DMXL2: variants seen among roughly 807,000 people sequenced by gnomAD.
The protein encoded by DMXL2 is dmX-like protein 2.
In DMXL2, 103 loss-of-function variants were observed where a neutral mutation model predicts 331.1. The observed-to-expected ratio is 0.31, with a 90% CI of 0.27 to 0.37. DMXL2 has a LOEUF of 0.37. Among genes scored for constraint, DMXL2 ranks in the 10% least tolerant of loss-of-function variants. The probability of loss-of-function intolerance (pLI) is 1.00; values close to 1 mark genes in which losing one functional copy is unlikely to be tolerated. For synonymous variants in DMXL2, 1,281 were observed against 1,252.1 expected (o/e 1.02, Z -0.49); for missense variants, 3,171 against 3,642.9 (o/e 0.87, Z 3.33).
At chr15:51,586,809 ACCATTAT>A (rs1267259585) in intron 1 of DMXL2, among the ~76,000 whole-genome samples, 6 of 152,154 alleles carry the variant, frequency 3.9e-5, no homozygotes, top group African/African-American at 1.4e-4. Context: ...GCTCTAATTA[ACCATTAT>A]AAAACCAACT....
chr15:51,451,522 T>G (rs889880904), intron 42 of DMXL2, 123 bp downstream of exon 42: 47 of 734,826 alleles, frequency 6.4e-5, no homozygotes, highest in Non-Finnish European at 1.0e-4. Flanking sequence ...TTCTAAATAT[T>G]TCTCCATTTT....
chr15:51,469,725 C>T (rs1424361397), intron 29 of DMXL2, among the ~76,000 whole-genome samples: 2 of 152,250 alleles, frequency 1.3e-5, no homozygotes, highest in East Asian at 3.9e-4. Flanking sequence ...ATGCAATGAG[C>T]TTTCATTCGT....
At chr15:51,475,544 G>T (rs1199864089) in intron 27 of DMXL2, among the ~76,000 whole-genome samples, 2 of 151,830 alleles carry the variant, frequency 1.3e-5, no homozygotes, top group African/African-American at 4.8e-5. Flanking sequence ...AAAAAAATCA[G>T]AAATGCCCAA....
At chr15:51,549,590 T>C (rs1412508045) in intron 6 of DMXL2, among the ~76,000 whole-genome samples, 1 of 152,178 alleles carries the variant, frequency 6.6e-6, no homozygotes, top group African/African-American at 2.4e-5. Context: ...TGTAAAAGTG[T>C]TCCCTTTATA....
At chr15:51,531,125 C>T (rs940687105) in intron 13 of DMXL2, among the ~76,000 whole-genome samples, 4 of 152,132 alleles carry the variant, frequency 2.6e-5, no homozygotes, top group Non-Finnish European at 4.4e-5. Flanking sequence ...TATCTGACTT[C>T]AAATAATACT....
chr15:51,480,750 G>C lies in DMXL2; in HGVS notation c.6356C>G (p.Pro2119Arg). 2 of 1,600,004 alleles carry C rather than the reference G, an allele frequency of 1.3e-6. No individual in the cohort carries two copies. The highest frequency in any genetic ancestry group is 1.7e-6 in the Non-Finnish European group (2 of 1,170,374). ...ATGGCGCTCATAGGAACCAATATCT[G>C]GTTTGTCTACCATTTCTTCCTGATC... ...LLDQEEMVDK[P>R]DIGSYERHQI... The change falls in exon 24 of 44, where the codon CCA (proline) becomes CGA (arginine). Residue 2119 changes from proline to arginine, a missense_variant. Around this residue, in one of 7 missense-constraint regions of DMXL2, gnomAD observed 197 missense variants for 196.2 expected, o/e 1.00. Transcript: ENST00000560891.
At chr15:51,604,952 T>C (rs1277038952) in intron 1 of DMXL2, among the ~76,000 whole-genome samples, 2 of 152,102 alleles carry the variant, frequency 1.3e-5, no homozygotes, top group African/African-American at 4.8e-5. Flanking sequence ...ATATAGCCAA[T>C]TGATTTTTTA....
At chr15:51,484,284 A>G (rs575062860) in intron 23 of DMXL2, among the ~76,000 whole-genome samples, 1 of 152,340 alleles carries the variant, frequency 6.6e-6, no homozygotes, top group South Asian at 2.1e-4. Flanking sequence ...GGCCAGAGTA[A>G]CAGACCTGTG....
At position 51,532,236 on chromosome 15, in the gene DMXL2, G is replaced by A. The variant is rs1371748931; in HGVS notation, c.2436+3427C>T. 2.6e-5 allele frequency among the ~76,000 whole-genome samples: 4 copies of A among 152,058 alleles called. No individual in the cohort carries two copies. In the South Asian group the frequency reaches 8.3e-4, roughly 32 times the overall value. On this transcript the variant is annotated intron_variant, in intron 13 of 43. Coordinates refer to ENST00000560891, the MANE Select transcript of DMXL2 (RefSeq NM_001378457.1). ...GATTCCGTCATTTTGCAGCAACAAG[G>A]ATGGAACTGGAGGTCGTTATTTTAA...
chr15:51,483,086 C>T (rs1478785497), intron 23 of DMXL2, among the ~76,000 whole-genome samples: 1 of 152,178 alleles, frequency 6.6e-6, no homozygotes, highest in African/African-American at 2.4e-5. Context: ...CCCATCAGCC[C>T]TCATGGCCAC....
At chr15:51,619,337 A>G (rs1183865641) in intron 1 of DMXL2, among the ~76,000 whole-genome samples, 1 of 152,242 alleles carries the variant, frequency 6.6e-6, no homozygotes, top group Non-Finnish European at 1.5e-5. Flanking sequence ...TCAAAAGGTG[A>G]TGTTTTAAAA....
chr15:51,504,600 C>T (rs2043921621), intron 16 of DMXL2, among the ~76,000 whole-genome samples: 1 of 152,256 alleles, frequency 6.6e-6, no homozygotes, highest in South Asian at 2.1e-4. Context: ...TCAAAGAGCA[C>T]CAGAATATTC....
rs146470123 is a variant in DMXL2 at position 51,474,157 on chromosome 15, T to C, written c.7213+187A>G. Reference sequence around the variant, plus strand: ...ATCAACCTCAAAAATGTTATTTCTATAAAAATAAAAGTAACAAACTATATG... The same window carrying C: ...ATCAACCTCAAAAATGTTATTTCTACAAAAATAAAAGTAACAAACTATATG... On this transcript the variant is annotated intron_variant, in intron 28 of 43. Coordinates refer to ENST00000560891, the MANE Select transcript of DMXL2 (RefSeq NM_001378457.1). 9.6e-3 allele frequency among the ~76,000 whole-genome samples: 1,463 copies of C among 152,294 alleles called. 12 individuals carry two copies. The highest frequency in any genetic ancestry group is 0.024 in the Middle Eastern group (7 of 294).
intron 10 of DMXL2, among the ~76,000 whole-genome samples, 167 bp downstream of exon 10, chr15:51,538,046 G>A (rs141526441): frequency 6.6e-6 from 1 of 152,330 alleles, no homozygotes; most frequent in East Asian, 1.9e-4. Flanking sequence ...GATGTTTGCA[G>A]GGGCTAGCAG....
chr15:51,491,603 T>C lies in DMXL2; in HGVS notation c.4928A>G (p.Asn1643Ser). The change falls in exon 20 of 44, where the codon AAC becomes AGC. Residue 1643 changes from asparagine to serine, a missense_variant. By Grantham distance (46) the Asn-to-Ser change is conservative. Coordinates refer to ENST00000560891, the MANE Select transcript of DMXL2 (RefSeq NM_001378457.1). ...MGIGWWVRNI[N>S]TLRRCIEKVA... is the part of the protein sequence containing the mutation. ...CTTTTCAATGCATCTTCGAAGCGTGTTAATGTTCCTCACCCACCATCCTAT... is the reference window on the plus strand; with the variant it reads ...CTTTTCAATGCATCTTCGAAGCGTGCTAATGTTCCTCACCCACCATCCTAT... 6.2e-7 allele frequency: 1 copy of C among 1,608,874 alleles called. No individual in the cohort carries two copies. Among genetic ancestry groups the C allele is most frequent in the Non-Finnish European group, 8.5e-7 (1 of 1,178,682 alleles).
intron 10 of DMXL2, 132 bp from the exon 11 acceptor site, chr15:51,537,891 G>A: frequency 1.8e-6 from 2 of 1,140,832 alleles, no homozygotes; most frequent in Admixed American, 3.0e-5. Context: ...AAAAACAAAG[G>A]AAACTTTTGT....
chr15:51,564,192 C>G lies in DMXL2; in HGVS notation c.433G>C (p.Glu145Gln). Residue 145 changes from glutamate (E) to glutamine (Q), a missense_variant, in exon 5 of 44, where the codon GAG becomes CAG. Glu to Gln is a conservative substitution (Grantham distance 29). Transcript: ENST00000560891. The part of the protein sequence containing the change: ...WAPPGDDILE[E>Q]EEEIDNTVPP... ...ACTGTATTATCAATTTCTTCCTCCT[C>G]TTCCAGAATATCATCTCCTGGAGGA... is the stretch of plus-strand genomic sequence containing the variant. 6.2e-7 allele frequency: 1 copy of G among 1,608,918 alleles called. No individual in the cohort carries two copies. Among genetic ancestry groups the G allele is most frequent in the South Asian group, 1.1e-5 (1 of 90,096 alleles).
At position 51,547,240 on chromosome 15, in the gene DMXL2, A is replaced by C; in HGVS notation, c.736T>G (p.Tyr246Asp). The change falls in exon 7 of 44, where the codon TAT (tyrosine) becomes GAT (aspartate). Residue 246 changes from tyrosine to aspartate, a missense_variant. Tyr to Asp is a radical substitution (Grantham distance 160). Coordinates refer to ENST00000560891, the MANE Select transcript of DMXL2 (RefSeq NM_001378457.1). ...ATTCATTCATCTAACCTGGGCATAT[A>C]CTTGCTAGTTTTGCGCCACGAAAAA... Reference protein sequence around the residue: ...TGFSWRKTSKYMPRGSVCNVL... With the variant: ...TGFSWRKTSKDMPRGSVCNVL... 6.2e-7 allele frequency: 1 copy of C among 1,609,006 alleles called. No individual in the cohort carries two copies. The highest frequency in any genetic ancestry group is 8.5e-7 in the Non-Finnish European group (1 of 1,178,032).
intron 1 of DMXL2, among the ~76,000 whole-genome samples, chr15:51,616,862 A>G (rs1225156404): frequency 2.8e-5 from 4 of 144,470 alleles, no homozygotes; most frequent in Non-Finnish European, 6.0e-5. Flanking sequence ...GCTTGAACCT[A>G]GGAGATGGAG....
Sources: allele counts gnomAD v4.1 joint callset (sites outside exome capture counted in the v4.1 genomes callset), GRCh38; gene constraint gnomAD v4.1.1; regional missense constraint gnomAD v4.1.1; transcripts MANE v1.5; gene names NCBI Gene and HGNC (gene_info 2026-07-23, HGNC 2026-07-21).